Variants in LYRM4 observed in about 807,000 individuals in gnomAD.
LYRM4 encodes the protein LYR motif containing 4.
LYRM4 carries 9 observed loss-of-function variants against 11.7 expected under a neutral mutation model. The ratio of observed to expected loss-of-function variants is 0.77; its 90% CI spans 0.46 to 1.34. The LOEUF is 1.34. Among genes scored for constraint, LYRM4 ranks in the 40% most tolerant of loss-of-function variants. The pLI, the probability that LYRM4 is intolerant of heterozygous loss-of-function variation, is 0.00. For missense variants in LYRM4, 133 were observed against 112.5 expected (o/e 1.18, Z -0.82); for synonymous variants, 42 against 40.4 (o/e 1.04, Z -0.15).
At chr6:5,099,261 G>A (rs1216989985), downstream of LYRM4, among the ~76,000 whole-genome samples, 4 of 151,352 alleles carry the variant, frequency 2.6e-5, no homozygotes, top group African/African-American at 9.7e-5. This position sits in a 1 kb window ranked among gnomAD's most constrained non-coding sequence, Gnocchi z 4.3. Context: ...GGAGTGCAGA[G>A]GCATGATCTC....
chr6:5,213,319 G>C (rs1762082186), intron 2 of LYRM4, among the ~76,000 whole-genome samples: 1 of 152,170 alleles, frequency 6.6e-6, no homozygotes, highest in Admixed American at 6.5e-5. Context: ...TAGGGTTATG[G>C]GACGCGGGGG....
the LYRM4 span, among the ~76,000 whole-genome samples, chr6:5,038,286 A>G: frequency 4.5e-5 from 2 of 44,370 alleles, no homozygotes; most frequent in African/African-American, 6.1e-5. Context: ...CCTAGATGGG[A>G]TGGCGGCCGG....
At chr6:5,148,441 A>ACAATTCT in intron 2 of LYRM4, 1 of 169,706 alleles carries the variant, frequency 5.9e-6, no homozygotes, top group Non-Finnish European at 1.3e-5. Context: ...GGGGAGAGTT[A>ACAATTCT]GAATTCTGAA....
rs1485118575 is a variant in LYRM4 at position 5,191,620 on chromosome 6, CT to C, written c.207+24997del. 2.0e-5 allele frequency among the ~76,000 whole-genome samples: 3 copies of C among 152,296 alleles called. No individual in the cohort carries two copies. In the East Asian group the frequency reaches 5.8e-4, roughly 29 times the overall value. On this transcript the variant is annotated intron_variant, in intron 2 of 2. Coordinates refer to ENST00000330636, the MANE Select transcript of LYRM4 (RefSeq NM_020408.6). ...CCCTAGTGTGTTATTAAGAAGACAA[CT>C]TGGTGATCAGAGAATTAGAAAAATC...
At chr6:5,192,583 G>C (rs1326754126) in intron 2 of LYRM4, among the ~76,000 whole-genome samples, 2 of 152,192 alleles carry the variant, frequency 1.3e-5, no homozygotes, top group Non-Finnish European at 2.9e-5. Flanking sequence ...GCACAGGACA[G>C]AATGCCTGTG....
chr6:5,109,500 AAAG>A lies in LYRM4; in HGVS notation c.208-12_208-10del, dbSNP rs1423112940. 3 of 1,613,450 alleles carry A rather than the reference AAAG, an allele frequency of 1.9e-6. No homozygotes were observed. Among genetic ancestry groups the A allele is most frequent in the Non-Finnish European group, 2.5e-6 (3 of 1,179,482 alleles). On this transcript the variant is annotated splice_polypyrimidine_tract_variant and intron_variant, in intron 2 of 2. Coordinates refer to ENST00000330636, the MANE Select transcript of LYRM4 (RefSeq NM_020408.6). The stretch of plus-strand genomic sequence containing the variant: ...AGTTGGCCAATGTGGACCTGAAGGC[AAAG>A]AAAGGACACAGGTCAGGAACCGTGG...
intron 1 of LYRM4, chr6:5,240,549 C>T (rs1325026517): frequency 6.6e-6 from 1 of 151,862 alleles, no homozygotes; most frequent in African/African-American, 2.4e-5. Context: ...AAGAGCACAC[C>T]AAGGGTTTTG....
chr6:5,187,703 T>A (rs1380894919), intron 2 of LYRM4, among the ~76,000 whole-genome samples: 1 of 152,122 alleles, frequency 6.6e-6, no homozygotes, highest in East Asian at 1.9e-4. Context: ...TGTATACCTA[T>A]GTATCAAACC....
intron 2 of LYRM4, among the ~76,000 whole-genome samples, chr6:5,142,234 G>A (rs576168539): frequency 8.5e-5 from 13 of 152,220 alleles, no homozygotes; most frequent in South Asian, 8.3e-4. Flanking sequence ...CTTCTGTGTG[G>A]CTCTCTCTGC....
chr6:5,175,538 A>G (rs1174899871), intron 2 of LYRM4, among the ~76,000 whole-genome samples: 1 of 152,134 alleles, frequency 6.6e-6, no homozygotes, highest in African/African-American at 2.4e-5. Context: ...AAAATCAGGA[A>G]AAACCATTTC....
chr6:5,119,447 T>C (rs1442058414), intron 2 of LYRM4, among the ~76,000 whole-genome samples: 3 of 152,120 alleles, frequency 2.0e-5, no homozygotes, highest in Non-Finnish European at 4.4e-5. Context: ...TATCCACTTT[T>C]GTCAGCATGC....
chr6:5,052,080 G>C, the LYRM4 span, among the ~76,000 whole-genome samples: 1 of 152,118 alleles, frequency 6.6e-6, no homozygotes, highest in African/African-American at 2.4e-5. Context: ...CAAGAGGTTT[G>C]GAGGAGTCAA....
At chr6:5,056,676 A>G in the LYRM4 span, among the ~76,000 whole-genome samples, 1 of 152,262 alleles carries the variant, frequency 6.6e-6, no homozygotes, top group Non-Finnish European at 1.5e-5. Context: ...AGCTCATGGT[A>G]CATACAAGTA....
At chr6:5,118,094 A>ATATATATATATATATTT in intron 2 of LYRM4, among the ~76,000 whole-genome samples, 90 of 86,124 alleles carry the variant, frequency 1.0e-3, no homozygotes, top group South Asian at 8.2e-3. Flanking sequence ...ATATATATAT[A>ATATATATATATATATTT]TTTTTGTTTT....
chr6:5,255,936 G>A (rs951318647), intron 1 of LYRM4, among the ~76,000 whole-genome samples: 1 of 152,012 alleles, frequency 6.6e-6, no homozygotes, highest in Non-Finnish European at 1.5e-5. Context: ...GTTTTAATTT[G>A]ACTTATGATG....
the LYRM4 span, among the ~76,000 whole-genome samples, chr6:5,078,682 GT>G: frequency 5.3e-5 from 8 of 152,114 alleles, no homozygotes; most frequent in Non-Finnish European, 1.2e-4. Flanking sequence ...GAAGGGTCAT[GT>G]TTTTTTCAAA....
At chr6:5,199,609 A>G (rs1761270108) in intron 2 of LYRM4, among the ~76,000 whole-genome samples, 1 of 152,220 alleles carries the variant, frequency 6.6e-6, no homozygotes, top group Admixed American at 6.5e-5. Flanking sequence ...CCAGACTGAA[A>G]CTGTCACAGA....
rs914889986 is a variant in LYRM4, at chr6:5,109,214, T to A, written c.*209A>T. On this transcript the variant is annotated 3_prime_UTR_variant, in exon 3 of 3. Coordinates refer to ENST00000330636, the MANE Select transcript of LYRM4 (RefSeq NM_020408.6). ...AGCACTATTCTGAACGAACTCCAGC[T>A]CTCCATTCTAACACTTGAACCAAGG... is the stretch of plus-strand genomic sequence containing the variant. 8.4e-6 allele frequency: 12 copies of A among 1,421,692 alleles called. No individual in the cohort carries two copies. Among genetic ancestry groups the A allele is most frequent in the African/African-American group, 1.4e-5 (1 of 69,674 alleles). The allele number at this position is 1,421,692 out of a possible 1,614,324, so 88.1% of individuals were successfully genotyped here.
chr6:5,051,072 A>G, the LYRM4 span, among the ~76,000 whole-genome samples: 1 of 152,210 alleles, frequency 6.6e-6, no homozygotes, highest in Non-Finnish European at 1.5e-5. Context: ...TTGAACAGGC[A>G]AAAGAAAGAA....
Sources: gnomAD v4.1 joint callset for allele counts (sites outside exome capture counted in the v4.1 genomes callset) on GRCh38, gnomAD v4.1.1 for gene constraint, Gnocchi (gnomAD v3.1) non-coding constraint, MANE v1.5 for transcripts, NCBI Gene and HGNC (gene_info 2026-07-23, HGNC 2026-07-21) for gene names.